The following ARHGAP15 variants were observed in gnomAD, a reference collection of about 807,000 sequenced individuals.
ARHGAP15 encodes rho GTPase-activating protein 15.
Under a neutral mutation model 63.7 loss-of-function variants are expected in ARHGAP15, and 51 were observed. The observed-to-expected ratio is 0.80, with a 90% CI of 0.64 to 1.01. The LOEUF is 1.01. Among genes scored for constraint, ARHGAP15 ranks in the 50% least tolerant of loss-of-function variants. The probability of loss-of-function intolerance (pLI) is 0.00; values close to 1 mark genes in which losing one functional copy is unlikely to be tolerated. For synonymous variants in ARHGAP15, 191 were observed against 193.8 expected (o/e 0.99, Z 0.12); for missense variants, 560 against 564.6 (o/e 0.99, Z 0.08).
At chr2:143,309,086 CTG>C (rs1196070793) in intron 6 of ARHGAP15, among the ~76,000 whole-genome samples, 10 of 151,798 alleles carry the variant, frequency 6.6e-5, no homozygotes, top group Non-Finnish European at 1.2e-4. Flanking sequence ...CTATCAAGGA[CTG>C]TTAATAGAAA....
At chr2:143,430,261 A>G (rs1349084400) in intron 6 of ARHGAP15, among the ~76,000 whole-genome samples, 6 of 151,948 alleles carry the variant, frequency 3.9e-5, no homozygotes, top group Non-Finnish European at 8.8e-5. Context: ...TTCTCACAAA[A>G]TGCTTTAACA....
chr2:143,576,997 C>T (rs553910521), intron 11 of ARHGAP15, among the ~76,000 whole-genome samples: 3 of 152,126 alleles, frequency 2.0e-5, no homozygotes, highest in Non-Finnish European at 4.4e-5. Flanking sequence ...AACTAATCCT[C>T]CTAATTGCAA....
chr2:143,209,719 T>G (rs1299497876), intron 3 of ARHGAP15, among the ~76,000 whole-genome samples: 1 of 151,908 alleles, frequency 6.6e-6, no homozygotes, highest in Non-Finnish European at 1.5e-5. Context: ...AGTGCAAGGG[T>G]CGCCAGGTCA....
chr2:143,496,107 C>T lies in ARHGAP15; in HGVS notation c.826+8612C>T, dbSNP rs866001155. On this transcript the variant is annotated intron_variant, in intron 9 of 13. Transcript: ENST00000295095. ...CCAACCTTAAGCTTCTTTATCTCGGCCTACAAGCTTCCTGGTTCCTTTGCA... is the reference window on the plus strand; with the variant it reads ...CCAACCTTAAGCTTCTTTATCTCGGTCTACAAGCTTCCTGGTTCCTTTGCA... Among the ~76,000 whole-genome samples, 7 of 152,112 alleles carry T rather than the reference C, an allele frequency of 4.6e-5. No individual in the cohort carries two copies. The South Asian group carries it at 1.2e-3, about 27-fold the overall frequency.
chr2:143,163,383 C>T lies in ARHGAP15; in HGVS notation c.165+7728C>T, dbSNP rs567351713. Among the ~76,000 whole-genome samples, 14 of 151,530 alleles carry T rather than the reference C, an allele frequency of 9.2e-5. No individual in the cohort carries two copies. The South Asian group carries it at 2.7e-3, about 29-fold the overall frequency. ...GGTAGTATATGTATATATACACACA[C>T]ATTTCTTTATTTATATAGATATATA... On this transcript the variant is annotated intron_variant, in intron 2 of 13. Coordinates refer to ENST00000295095, the MANE Select transcript of ARHGAP15 (RefSeq NM_018460.4).
rs143156426 is a variant in ARHGAP15 at position 143,362,175 on chromosome 2, G to A, written c.475-73426G>A. Among the ~76,000 whole-genome samples, 155 of 152,138 alleles carry A rather than the reference G, an allele frequency of 1.0e-3. No individual in the cohort carries two copies. The East Asian group carries it at 0.019, about 19-fold the overall frequency. Reference sequence around the variant, plus strand: ...GTCTGGTTGGATGTATCCTTTTTACGTGCTCCTATAATACCCTGAATTATC... The same window carrying A: ...GTCTGGTTGGATGTATCCTTTTTACATGCTCCTATAATACCCTGAATTATC... On this transcript the variant is annotated intron_variant, in intron 6 of 13. Transcript: ENST00000295095.
chr2:143,676,121 G>A (rs1390575114), intron 12 of ARHGAP15: 1 of 159,812 alleles, frequency 6.3e-6, no homozygotes, highest in Non-Finnish European at 1.3e-5. Context: ...ACCTCTGCTA[G>A]CTTCAAACTT....
intron 10 of ARHGAP15, among the ~76,000 whole-genome samples, chr2:143,534,622 C>T (rs10195464): frequency 0.02 from 2,966 of 152,094 alleles, 116 homozygotes; most frequent in African/African-American, 0.069. Flanking sequence ...CTCATGCCTA[C>T]AATCCCAGCA....
chr2:143,196,809 T>C (rs1038905841), intron 2 of ARHGAP15, among the ~76,000 whole-genome samples: 2 of 151,932 alleles, frequency 1.3e-5, no homozygotes, highest in Non-Finnish European at 2.9e-5. Context: ...TATAAAAACA[T>C]TTGGAAACAA....
chr2:143,152,460 C>A (rs908893151), intron 1 of ARHGAP15, among the ~76,000 whole-genome samples: 1 of 152,004 alleles, frequency 6.6e-6, no homozygotes, highest in Admixed American at 6.6e-5. Flanking sequence ...CTCTCCCCAC[C>A]TGGGCACTGC....
At chr2:143,215,659 C>T (rs1692728821) in intron 3 of ARHGAP15, among the ~76,000 whole-genome samples, 1 of 152,164 alleles carries the variant, frequency 6.6e-6, no homozygotes, top group African/African-American at 2.4e-5. Context: ...GAAATTAAAA[C>T]ACCTAGTACA....
At chr2:143,518,035 T>C (rs773965873) in intron 9 of ARHGAP15, among the ~76,000 whole-genome samples, 13 of 152,206 alleles carry the variant, frequency 8.5e-5, no homozygotes, top group Non-Finnish European at 1.8e-4. Flanking sequence ...CCACTAAATA[T>C]TTGTTTCATT....
At chr2:143,705,366 A>C (rs1215017299) in intron 13 of ARHGAP15, among the ~76,000 whole-genome samples, 1 of 152,204 alleles carries the variant, frequency 6.6e-6, no homozygotes, top group Non-Finnish European at 1.5e-5. Flanking sequence ...GCTTTAAAGA[A>C]ATAGAAAGAG....
intron 8 of ARHGAP15, among the ~76,000 whole-genome samples, chr2:143,475,190 G>A (rs554937708): frequency 6.6e-6 from 1 of 152,214 alleles, no homozygotes; most frequent in Non-Finnish European, 1.5e-5. Flanking sequence ...ATAGAGCCAA[G>A]TATTCACCGG....
At chr2:143,571,197 A>G (rs927500566) in intron 11 of ARHGAP15, among the ~76,000 whole-genome samples, 2 of 152,216 alleles carry the variant, frequency 1.3e-5, no homozygotes, top group African/African-American at 2.4e-5. Flanking sequence ...TGAGGTTCCC[A>G]TTGATTCTAC....
At chr2:143,635,119 A>ATACTC (rs758215090) in intron 12 of ARHGAP15, among the ~76,000 whole-genome samples, 6 of 150,416 alleles carry the variant, frequency 4.0e-5, no homozygotes, top group African/African-American at 1.2e-4. Context: ...TTGCCACACA[A>ATACTC]TACTCTAGCT....
intron 5 of ARHGAP15, 36 bp from the exon 6 acceptor site, chr2:143,250,475 C>T: frequency 1.3e-6 from 2 of 1,499,238 alleles, no homozygotes; most frequent in Non-Finnish European, 9.3e-7. Context: ...TACAGTGTTG[C>T]ATCCTCTTAT....
At chr2:143,434,720 G>GA (rs1311119885) in intron 6 of ARHGAP15, among the ~76,000 whole-genome samples, 2 of 152,098 alleles carry the variant, frequency 1.3e-5, no homozygotes, top group African/African-American at 4.8e-5. Flanking sequence ...AATACAAAGG[G>GA]AAAATCTTCA....
intron 6 of ARHGAP15, among the ~76,000 whole-genome samples, chr2:143,298,214 G>A (rs1682733241): frequency 6.6e-6 from 1 of 151,982 alleles, no homozygotes; most frequent in African/African-American, 2.4e-5. Flanking sequence ...ATCCACGTAT[G>A]TATTGCTATA....
Sources: gnomAD v4.1 joint callset for allele counts (sites outside exome capture counted in the v4.1 genomes callset) on GRCh38, gnomAD v4.1.1 for gene constraint, MANE v1.5 for transcripts, NCBI Gene and HGNC (gene_info 2026-07-23, HGNC 2026-07-21) for gene names.